The following DAB1 variants were observed in gnomAD, a reference collection of about 807,000 sequenced individuals.
DAB1 encodes the protein DAB adaptor protein 1.
DAB1 carries 15 observed loss-of-function variants against 64.6 expected under a neutral mutation model. The ratio of observed to expected loss-of-function variants is 0.23; its 90% CI spans 0.16 to 0.36. The LOEUF is 0.36. Among genes scored for constraint, DAB1 ranks in the 10% least tolerant of loss-of-function variants. The pLI is 1.00. For synonymous variants in DAB1, 235 were observed against 251.9 expected (o/e 0.93, Z 0.64); for missense variants, 596 against 706.7 (o/e 0.84, Z 1.78).
chr1:58,167,895 C>T (rs191638442), intron 4 of DAB1, among the ~76,000 whole-genome samples: 1 of 152,328 alleles, frequency 6.6e-6, no homozygotes, highest in Non-Finnish European at 1.5e-5. Context: ...ACTCTGGACA[C>T]ACCAACTTTA....
At chr1:58,230,087 G>A (rs375156918) in intron 4 of DAB1, among the ~76,000 whole-genome samples, 8 of 152,156 alleles carry the variant, frequency 5.3e-5, no homozygotes, top group African/African-American at 1.9e-4. Context: ...CCCTTACTAT[G>A]GAACTCAGTC....
intron 7 of DAB1, among the ~76,000 whole-genome samples, chr1:57,497,504 G>C (rs1161564925): frequency 2.6e-5 from 4 of 152,188 alleles, no homozygotes; most frequent in African/African-American, 9.7e-5. Flanking sequence ...GTCTAGTGAT[G>C]GATGTAGACA....
chr1:57,716,839 A>T (rs2101752432), intron 6 of DAB1, among the ~76,000 whole-genome samples: 1 of 152,334 alleles, frequency 6.6e-6, no homozygotes, highest in East Asian at 1.9e-4. Flanking sequence ...TATATGTCTG[A>T]CAGGGGTTAA....
chr1:57,149,917 T>A lies in DAB1; in HGVS notation c.68-4488A>T, dbSNP rs553056137. Among the ~76,000 whole-genome samples, 18 of 152,314 alleles carry A rather than the reference T, an allele frequency of 1.2e-4. No homozygotes were observed. In the South Asian group the frequency reaches 3.5e-3, roughly 30 times the overall value. Reference sequence around the variant, plus strand: ...CTTATGTCATTTAATCTTCCAAGGTTACTGAAAACCACCACTGTTATTATT... The same window carrying A: ...CTTATGTCATTTAATCTTCCAAGGTAACTGAAAACCACCACTGTTATTATT... On this transcript the variant is annotated intron_variant, in intron 2 of 14. Transcript: ENST00000371236.
At chr1:57,947,982 G>T (rs1219446713) in intron 5 of DAB1, among the ~76,000 whole-genome samples, 1 of 152,098 alleles carries the variant, frequency 6.6e-6, no homozygotes, top group Non-Finnish European at 1.5e-5. Flanking sequence ...ATTACACTTT[G>T]GGCTCAAGAA....
intron 1 of DAB1, among the ~76,000 whole-genome samples, chr1:57,869,770 G>A (rs1309756710): frequency 2.0e-5 from 3 of 152,082 alleles, no homozygotes; most frequent in African/African-American, 7.2e-5. Flanking sequence ...TCAGAACTAG[G>A]ATGCTGGGTA....
intron 6 of DAB1, among the ~76,000 whole-genome samples, chr1:57,718,539 T>C (rs778516817): frequency 2.0e-5 from 3 of 152,194 alleles, no homozygotes; most frequent in Non-Finnish European, 4.4e-5. Context: ...CTGGCCATTG[T>C]CATGGGAATG....
intron 9 of DAB1, among the ~76,000 whole-genome samples, chr1:57,061,581 T>C (rs1650402209): frequency 6.6e-6 from 1 of 152,236 alleles, no homozygotes; most frequent in African/African-American, 2.4e-5. Flanking sequence ...TGAGCTGGAA[T>C]TGACTTTCTT....
intron 6 of DAB1, among the ~76,000 whole-genome samples, chr1:57,704,272 T>C (rs559915578): frequency 3.3e-5 from 5 of 152,186 alleles, no homozygotes; most frequent in Non-Finnish European, 5.9e-5. Context: ...AATTCCTCTG[T>C]TGTAGCAATA....
chr1:57,783,584 T>C (rs1356601531), intron 6 of DAB1, among the ~76,000 whole-genome samples: 1 of 152,178 alleles, frequency 6.6e-6, no homozygotes, highest in Non-Finnish European at 1.5e-5. Flanking sequence ...CACCATTTTA[T>C]TGCCTTAGCA....
chr1:57,283,918 T>G (rs1187260872), intron 2 of DAB1, among the ~76,000 whole-genome samples: 1 of 152,206 alleles, frequency 6.6e-6, no homozygotes, highest in Non-Finnish European at 1.5e-5. Flanking sequence ...CACCAAACAT[T>G]AACTTCTTAT....
In DAB1 at chr1:58,299,949, A is replaced by G. The variant is rs984891056; in HGVS notation, n.309+43403T>C. ...CCAGGGGAGAGTGGCACAAGCCCCT[A>G]GGCTCAAGGACAGGATAAAAGCCTT... is the stretch of plus-strand genomic sequence containing the variant. On this transcript the variant is annotated intron_variant and non_coding_transcript_variant, in intron 4 of 20. Coordinates refer to the DAB1 transcript ENST00000485760. Among the ~76,000 whole-genome samples, 86 of 152,126 alleles carry G rather than the reference A, an allele frequency of 5.7e-4. 3 individuals carry two copies. Among genetic ancestry groups the G allele is most frequent in the Admixed American group, 5.6e-3 (85 of 15,272 alleles).
At chr1:57,744,127 C>T (rs1648144026) in intron 6 of DAB1, among the ~76,000 whole-genome samples, 1 of 152,122 alleles carries the variant, frequency 6.6e-6, no homozygotes, top group South Asian at 2.1e-4. Flanking sequence ...AGTTTTGGGG[C>T]CAGTTTATGG....
At chr1:57,243,753 C>G (rs1668666629) in intron 2 of DAB1, among the ~76,000 whole-genome samples, 1 of 152,142 alleles carries the variant, frequency 6.6e-6, no homozygotes, top group Admixed American at 6.5e-5. Context: ...CTGCCTACAC[C>G]ATGAGACATA....
intron 5 of DAB1, among the ~76,000 whole-genome samples, chr1:58,074,096 G>C (rs1254018646): frequency 6.6e-6 from 1 of 152,132 alleles, no homozygotes; most frequent in Admixed American, 6.5e-5. Flanking sequence ...TTCCACTATT[G>C]TTTAAGTCTC....
chr1:57,023,617 G>A lies in DAB1; in HGVS notation c.809C>T (p.Ala270Val), dbSNP rs143177458. 1.2e-6 allele frequency: 2 copies of A among 1,611,686 alleles called. No individual in the cohort carries two copies. Among genetic ancestry groups the A allele is most frequent in the Non-Finnish European group, 1.7e-6 (2 of 1,178,962 alleles). Residue 270 changes from alanine (A) to valine (V), a missense_variant, in exon 11 of 15, where the codon GCC becomes GTC. Physicochemically the swap from Ala to Val is moderately conservative, Grantham distance 64 (BLOSUM62 0). Transcript: ENST00000371236. ...SPPTPATPGDAFIPSSSQTLP... is the reference protein window; with the variant it reads ...SPPTPATPGDVFIPSSSQTLP... ...GGTCTGAGATGAAGATGGGATAAAG[G>A]CATCACCTGGAGTTGCAGGAGTCTG... is the stretch of plus-strand genomic sequence containing the variant.
chr1:57,449,384 C>CTTTT (rs11418578), intron 7 of DAB1, among the ~76,000 whole-genome samples: 2 of 139,610 alleles, frequency 1.4e-5, no homozygotes, highest in African/African-American at 2.7e-5. Context: ...TGTCTATCTG[C>CTTTT]TTTTTTTTTT....
At chr1:58,154,310 T>C (rs988057490) in intron 4 of DAB1, among the ~76,000 whole-genome samples, 1 of 152,054 alleles carries the variant, frequency 6.6e-6, no homozygotes, top group Non-Finnish European at 1.5e-5. Context: ...TGTCATGGTG[T>C]TGGGTCAGCC....
intron 2 of DAB1, among the ~76,000 whole-genome samples, chr1:57,165,991 G>T (rs1203143656): frequency 6.6e-6 from 1 of 152,216 alleles, no homozygotes; most frequent in African/African-American, 2.4e-5. Context: ...CAGCATTTCA[G>T]TGGAGGACTA....
Sources: gnomAD v4.1 joint callset for allele counts (sites outside exome capture counted in the v4.1 genomes callset) on GRCh38, gnomAD v4.1.1 for gene constraint, MANE v1.5 for transcripts, NCBI Gene and HGNC (gene_info 2026-07-23, HGNC 2026-07-21) for gene names.